Variants in MCF2L observed in about 807,000 individuals in gnomAD.
The protein encoded by MCF2L is MCF.2 cell line derived transforming sequence like.
MCF2L carries 97 observed loss-of-function variants against 153.4 expected under a neutral mutation model. The ratio of observed to expected loss-of-function variants is 0.63; its 90% CI spans 0.54 to 0.75. The LOEUF is 0.75. MCF2L is among the 30% of genes least tolerant of loss of function. The probability of loss-of-function intolerance (pLI) is 0.00; values close to 1 mark genes in which losing one functional copy is unlikely to be tolerated. For missense variants in MCF2L, 1,347 were observed against 1,495.2 expected (o/e 0.90, Z 1.64); for synonymous variants, 659 against 632.2 (o/e 1.04, Z -0.64).
At chr13:113,078,177 C>T (rs1249464469) in intron 13 of MCF2L, among the ~76,000 whole-genome samples, 186 bp from the exon 14 acceptor site, 1 of 152,038 alleles carries the variant, frequency 6.6e-6, no homozygotes, top group African/African-American at 2.4e-5. Flanking sequence ...CACCTGTGGC[C>T]CCAGAGGCCA....
intron 1 of MCF2L, among the ~76,000 whole-genome samples, chr13:112,977,150 G>A (rs1177928849): frequency 6.6e-6 from 1 of 152,186 alleles, no homozygotes; most frequent in Non-Finnish European, 1.5e-5. Context: ...CTAATGGAGT[G>A]GCTAATGTAA....
At position 113,045,019 on chromosome 13, in the gene MCF2L, C is replaced by A; in HGVS notation, c.279-252C>A. The A allele has an allele frequency of 7.8e-7, 1 of 1,274,974 alleles. No homozygotes were observed. 79.0% of individuals were successfully genotyped at this position (1,274,974 alleles called of 1,614,324 possible). ...GATGGTTCTGCCTCAATCTGTGACT[C>A]GAGGTGGTTGGTGTTAGGCTGAGAA... On this transcript the variant is annotated intron_variant, in intron 3 of 29. Transcript: ENST00000535094. The surrounding 1 kb of genome is among the most constrained non-coding windows in gnomAD (Gnocchi z 4.2).
At chr13:113,016,717 C>A (rs558168607) in intron 2 of MCF2L, among the ~76,000 whole-genome samples, 1 of 152,154 alleles carries the variant, frequency 6.6e-6, no homozygotes, top group Non-Finnish European at 1.5e-5. Flanking sequence ...TTTGCACAGC[C>A]GGCCCTCTCC....
chr13:112,938,188 AGGGGTTGGTTCAGGTGAGCG>A (rs2081540663), intron 2 of MCF2L, among the ~76,000 whole-genome samples: 1 of 118,848 alleles, frequency 8.4e-6, no homozygotes, highest in South Asian at 3.4e-4. Context: ...GTGAGCGCTG[AGGGGTTGGTTCAGGTGAGCG>A]CTGAGGGGTT....
intron 1 of MCF2L, among the ~76,000 whole-genome samples, chr13:113,011,478 CAGGCGGTGT>C (rs2084098294): frequency 6.7e-6 from 1 of 149,944 alleles, no homozygotes; most frequent in African/African-American, 2.5e-5. Context: ...AGATGGTGGA[CAGGCGGTGT>C]GGATGGTGGA....
At chr13:112,921,089 A>G (rs1212299858) in intron 2 of MCF2L, among the ~76,000 whole-genome samples, 2 of 152,070 alleles carry the variant, frequency 1.3e-5, no homozygotes, top group Admixed American at 1.3e-4. Context: ...AGTCAGGAGA[A>G]TGGCGTGAAT....
chr13:113,031,727 C>A lies in MCF2L; in HGVS notation c.278+6969C>A, dbSNP rs547046158. Reference sequence around the variant, plus strand: ...GATGATGACGCTTACTTTCCATGGGCCTGGCTCAAAGCTCCCAGCTCCTTG... The same window carrying A: ...GATGATGACGCTTACTTTCCATGGGACTGGCTCAAAGCTCCCAGCTCCTTG... On this transcript the variant is annotated intron_variant, in intron 3 of 29. Coordinates refer to ENST00000535094, the MANE Select transcript of MCF2L (RefSeq NM_001112732.3). The surrounding 1 kb of genome is among the most constrained non-coding windows in gnomAD (Gnocchi z 5.5). 4.0e-4 allele frequency among the ~76,000 whole-genome samples: 60 copies of A among 150,836 alleles called. No homozygotes were observed. Among genetic ancestry groups the A allele is most frequent in the Middle Eastern group, 3.4e-3 (1 of 294 alleles).
At chr13:113,056,608 G>A (rs578151073) in intron 4 of MCF2L, among the ~76,000 whole-genome samples, 177 of 140,778 alleles carry the variant, frequency 1.3e-3, no homozygotes, top group Admixed American at 2.7e-3. Context: ...GTGTTTTGGC[G>A]CTGAGTGAGT....
At position 112,983,176 on chromosome 13, in the gene MCF2L, G is replaced by C. The variant is rs1342654797; in HGVS notation, c.79+13718G>C. On this transcript the variant is annotated intron_variant, in intron 1 of 29. Coordinates refer to ENST00000535094, the MANE Select transcript of MCF2L (RefSeq NM_001112732.3). This position sits in a 1 kb window ranked among gnomAD's most constrained non-coding sequence, Gnocchi z 4.0. ...TGCCTCAGGGTTTGTTGGAGGTGAG[G>C]GGGTAGCAGAGCCCCTCACACAGGT... 2.0e-5 allele frequency among the ~76,000 whole-genome samples: 3 copies of C among 152,090 alleles called. No homozygotes were observed. Among genetic ancestry groups the C allele is most frequent in the Middle Eastern group, 3.2e-3 (1 of 316 alleles).
intron 1 of MCF2L, among the ~76,000 whole-genome samples, chr13:112,897,952 T>C (rs2081083030): frequency 6.6e-6 from 1 of 152,162 alleles, no homozygotes; most frequent in Non-Finnish European, 1.5e-5. Context: ...GAGACAGCCC[T>C]GGAGGTGCCA....
intron 5 of MCF2L, among the ~76,000 whole-genome samples, chr13:113,063,414 C>T (rs2031845627): frequency 8.2e-6 from 1 of 122,548 alleles, no homozygotes; most frequent in Non-Finnish European, 1.8e-5. Flanking sequence ...GTCCAGACAC[C>T]CCTGTCCACA....
intron 8 of MCF2L, among the ~76,000 whole-genome samples, chr13:113,066,945 T>C (rs2032466495): frequency 6.6e-6 from 1 of 152,226 alleles, no homozygotes. Context: ...TGAGCTGCCT[T>C]CTCTGCCAGG....
upstream of MCF2L, among the ~76,000 whole-genome samples, chr13:112,968,233 G>A (rs545712960): frequency 6.6e-6 from 1 of 151,304 alleles, no homozygotes; most frequent in East Asian, 1.9e-4. Context: ...CTCGGCCTCC[G>A]GAGTAGCTGG....
At chr13:113,052,634 A>C (rs904648533) in intron 4 of MCF2L, 3 of 161,920 alleles carry the variant, frequency 1.9e-5, no homozygotes, top group African/African-American at 4.8e-5. Context: ...TGTGAGCTGC[A>C]GCAGCCTCGT....
chr13:112,982,608 C>A (rs1037043782), intron 1 of MCF2L, among the ~76,000 whole-genome samples: 4 of 152,112 alleles, frequency 2.6e-5, no homozygotes, highest in African/African-American at 9.7e-5. Flanking sequence ...GGGAGGCGGG[C>A]GTCACAGCTG....
chr13:113,081,567 C>G (rs1169693821), intron 16 of MCF2L, among the ~76,000 whole-genome samples: 1 of 152,268 alleles, frequency 6.6e-6, no homozygotes, highest in East Asian at 1.9e-4. Context: ...GTCACCAACA[C>G]AGGCCACAGG....
intron 2 of MCF2L, among the ~76,000 whole-genome samples, chr13:112,953,325 C>A (rs1471740476): frequency 6.6e-6 from 1 of 152,172 alleles, no homozygotes; most frequent in Non-Finnish European, 1.5e-5. Flanking sequence ...GTGGGGTTGC[C>A]TGGCCCCCTT....
intron 2 of MCF2L, chr13:112,909,850 AG>A (rs1396709372): frequency 2.6e-5 from 4 of 152,640 alleles, no homozygotes; most frequent in African/African-American, 9.7e-5. Flanking sequence ...CATGTTGTCC[AG>A]GCTGGTCTCA....
chr13:112,982,539 GC>G (rs1456441524), intron 1 of MCF2L, among the ~76,000 whole-genome samples: 1 of 152,170 alleles, frequency 6.6e-6, no homozygotes. Flanking sequence ...AGTCTGGGGG[GC>G]CTCCTGCGGA....
Sources: allele counts gnomAD v4.1 joint callset (sites outside exome capture counted in the v4.1 genomes callset), GRCh38; gene constraint gnomAD v4.1.1; non-coding constraint Gnocchi (gnomAD v3.1); transcripts MANE v1.5; gene names NCBI Gene and HGNC (gene_info 2026-07-23, HGNC 2026-07-21).